AIM2: variants seen among roughly 807,000 people sequenced by gnomAD.
AIM2 encodes the protein interferon-inducible protein AIM2.
In AIM2, 30 loss-of-function variants were observed where a neutral mutation model predicts 27.7. That is an observed-to-expected ratio of 1.08 (90% CI 0.81 to 1.47). The LOEUF (loss-of-function observed/expected upper bound fraction) is 1.47. Among genes scored for constraint, AIM2 ranks in the 40% most tolerant of loss-of-function variants. AIM2 has a pLI of 0.00. For synonymous variants in AIM2, 141 were observed against 145.3 expected, an observed-to-expected ratio of 0.97 and a Z score of 0.21; for missense variants, 358 against 411.3, an observed-to-expected ratio of 0.87 and a Z score of 1.12.
At chr1:159,062,339 C>A (rs112873743), downstream of AIM2, 9 of 289,430 alleles carry the variant, frequency 3.1e-5, no homozygotes, top group Middle Eastern at 1.0e-3. Flanking sequence ...TAACAGTGTA[C>A]TCCTAATTCT....
upstream of AIM2, among the ~76,000 whole-genome samples, chr1:159,144,196 G>A (rs1314745292): frequency 1.3e-5 from 2 of 152,080 alleles, no homozygotes; most frequent in Non-Finnish European, 2.9e-5. Context: ...TCTATTGACT[G>A]GATTGCTTCT....
rs186342775 is a variant in AIM2 at position 159,102,995 on chromosome 1, G to A, written c.-15-36666C>T. Among the ~76,000 whole-genome samples, 21 of 152,296 alleles carry A rather than the reference G, an allele frequency of 1.4e-4. No individual in the cohort carries two copies. The East Asian group carries it at 3.9e-3, about 28-fold the overall frequency. On this transcript the variant is annotated intron_variant, in intron 1 of 2. Transcript: ENST00000368129. ...ACATGAGATTTGGGAGGGGTCAGGG[G>A]TGGGAAGTTATAGTTTGCCTCTGGG...
rs745673444 is a variant in AIM2, at chr1:159,066,229, G to A, written c.497C>T (p.Thr166Met). The A allele has an allele frequency of 9.3e-6, 15 of 1,613,990 alleles. No homozygotes were observed. Among genetic ancestry groups the A allele is most frequent in the Admixed American group, 1.7e-5 (1 of 59,992 alleles). ...VMVLKAKKPFTFETQEGKQEM... is the reference protein window; with the variant it reads ...VMVLKAKKPFMFETQEGKQEM... ...CTGCTTGCCTTCTTGGGTCTCAAAC[G>A]TGAAGGGCTTCTTTGCTTTCAGTAC... The change falls in exon 4 of 6, where the codon ACG (threonine) becomes ATG (methionine). Residue 166 changes from threonine (T) to methionine (M), a missense_variant. By Grantham distance (81) the Thr-to-Met change is moderately conservative. Coordinates refer to ENST00000368130, the MANE Select transcript of AIM2 (RefSeq NM_004833.3).
chr1:159,114,386 C>A (rs1004990900), intron 1 of AIM2, among the ~76,000 whole-genome samples: 1 of 152,164 alleles, frequency 6.6e-6, no homozygotes, highest in African/African-American at 2.4e-5. Flanking sequence ...AATAAAGTGA[C>A]CAGTCCTGCT....
intron 3 of AIM2, 35 bp from the exon 4 acceptor site, chr1:159,066,364 T>C: frequency 6.4e-7 from 1 of 1,573,934 alleles, no homozygotes; most frequent in Non-Finnish European, 8.6e-7. Context: ...CAGCTGTGAG[T>C]CAAAAAGGTA....
At chr1:159,081,941 CTG>C (rs539070229) in intron 1 of AIM2, 2 of 152,294 alleles carry the variant, frequency 1.3e-5, no homozygotes, top group Non-Finnish European at 2.9e-5. Context: ...TTTTTTAAAA[CTG>C]TATTTTCTTA....
chr1:159,081,909 A>G (rs1656786810), intron 1 of AIM2: 2 of 152,224 alleles, frequency 1.3e-5, no homozygotes, highest in Admixed American at 1.3e-4. Flanking sequence ...TTTGTTTTCA[A>G]TTTCATTGAT....
intron 1 of AIM2, among the ~76,000 whole-genome samples, chr1:159,115,901 C>T (rs571703648): frequency 1.3e-5 from 2 of 151,924 alleles, no homozygotes; most frequent in African/African-American, 4.8e-5. Context: ...AGGCAACCTA[C>T]AGAATGGGAG....
intron 1 of AIM2, among the ~76,000 whole-genome samples, chr1:159,099,485 A>G (rs998257938): frequency 6.6e-6 from 1 of 152,198 alleles, no homozygotes; most frequent in Non-Finnish European, 1.5e-5. Context: ...AGGTCACCAT[A>G]GACCTACTTT....
intron 1 of AIM2, among the ~76,000 whole-genome samples, chr1:159,122,877 T>C (rs2518568): frequency 0.79 from 120,513 of 152,130 alleles, 48,432 homozygotes; most frequent in Admixed American, 0.87. Context: ...GCTAGGTGAC[T>C]AGTTAGTCAA....
At chr1:159,119,507 C>T (rs995997785) in intron 1 of AIM2, among the ~76,000 whole-genome samples, 1 of 152,074 alleles carries the variant, frequency 6.6e-6, no homozygotes, top group African/African-American at 2.4e-5. Flanking sequence ...ACAGCCCCTT[C>T]AAGCTGTACC....
At chr1:159,057,743 C>T (rs912398232), downstream of AIM2, among the ~76,000 whole-genome samples, 1 of 152,158 alleles carries the variant, frequency 6.6e-6, no homozygotes, top group Non-Finnish European at 1.5e-5. Flanking sequence ...TTTTGAAACA[C>T]AATTTCTTTC....
intron 1 of AIM2, 74 bp from the exon 2 acceptor site, chr1:159,073,593 T>C (rs1344871664): frequency 7.2e-7 from 1 of 1,394,504 alleles, no homozygotes; most frequent in African/African-American, 1.4e-5. Context: ...CAAGGTGAGC[T>C]ATTAATATTT....
At chr1:159,145,024 T>G (rs948681787), upstream of AIM2, among the ~76,000 whole-genome samples, 1 of 152,166 alleles carries the variant, frequency 6.6e-6, no homozygotes, top group African/African-American at 2.4e-5. Context: ...TGAGCACAAC[T>G]TCTAGAAGTG....
At chr1:159,140,835 G>C (rs1449637414), upstream of AIM2, among the ~76,000 whole-genome samples, 1 of 152,154 alleles carries the variant, frequency 6.6e-6, no homozygotes, top group Non-Finnish European at 1.5e-5. Flanking sequence ...ATGGCTTTTT[G>C]AAAATCAGGA....
upstream of AIM2, among the ~76,000 whole-genome samples, chr1:159,142,148 C>T (rs770147569): frequency 1.3e-5 from 2 of 152,090 alleles, no homozygotes; most frequent in Non-Finnish European, 2.9e-5. Flanking sequence ...GGAAAACCCT[C>T]GATCCCAGAG....
At chr1:159,056,417 G>T in the AIM2 span, among the ~76,000 whole-genome samples, 1 of 151,988 alleles carries the variant, frequency 6.6e-6, no homozygotes, top group East Asian at 1.9e-4. Context: ...ACTGCCATTA[G>T]AATAAGGATA....
chr1:159,110,577 A>C (rs2102027936), intron 1 of AIM2, among the ~76,000 whole-genome samples: 1 of 152,328 alleles, frequency 6.6e-6, no homozygotes, highest in Non-Finnish European at 1.5e-5. Flanking sequence ...AGAAAAAAAA[A>C]CTGACACGGT....
intron 1 of AIM2, among the ~76,000 whole-genome samples, chr1:159,108,067 C>A (rs551420575): frequency 1.3e-5 from 2 of 152,272 alleles, no homozygotes; most frequent in East Asian, 3.9e-4. Context: ...GCCAGTATCA[C>A]CCTAATGCCA....
Sources: gnomAD v4.1 joint callset for allele counts (sites outside exome capture counted in the v4.1 genomes callset) on GRCh38, gnomAD v4.1.1 for gene constraint, MANE v1.5 for transcripts, NCBI Gene and HGNC (gene_info 2026-07-23, HGNC 2026-07-21) for gene names.